Variants in TPM3 observed in about 807,000 individuals in gnomAD.
TPM3 encodes the protein tropomyosin alpha-3 chain.
A neutral mutation model predicts 43.1 loss-of-function variants in TPM3; 16 were observed. The observed-to-expected ratio is 0.37, with a 90% confidence interval of 0.25 to 0.56. TPM3 has a LOEUF of 0.56. Ranked by LOEUF, TPM3 falls within the 20% of genes least tolerant of loss-of-function variation. The pLI is 0.77. For synonymous variants in TPM3, 101 were observed against 116.9 expected (o/e 0.86, Z 0.88); for missense variants, 176 against 337.2 (o/e 0.52, Z 3.74).
At position 154,172,736 on chromosome 1, in the gene TPM3, A is replaced by G. The variant is rs895952578; in HGVS notation, c.566+172T>C. 4 of 798,636 alleles carry G rather than the reference A, an allele frequency of 5.0e-6. No individual in the cohort carries two copies. In the African/African-American group the frequency reaches 6.8e-5, roughly 14 times the overall value. 49.5% of individuals were successfully genotyped at this position (798,636 alleles called of 1,614,324 possible). On this transcript the variant is annotated intron_variant, in intron 5 of 9. Transcript: ENST00000651641. ...TTTGTCACTTGTCACTAGTCAGGAG[A>G]ATAAGGAAGCCTAAAACCATTCTTG...
chr1:154,170,568 A>G, intron 7 of TPM3, 81 bp downstream of exon 7: 1 of 1,597,230 alleles, frequency 6.3e-7, no homozygotes. Flanking sequence ...CAGAACCCAA[A>G]CCAGCCAGTT....
In TPM3 at chr1:154,173,056, C is replaced by G. The variant is rs28372838; in HGVS notation, c.495+28G>C. ...CATTATGCTTTGTAAAAGGCCGATACGAGAGGGACTAACAGAAGGTCACTT... is the reference window on the plus strand; with the variant it reads ...CATTATGCTTTGTAAAAGGCCGATAGGAGAGGGACTAACAGAAGGTCACTT... On this transcript the variant is annotated intron_variant, in intron 4 of 9. Transcript: ENST00000651641. 209,897 of 1,613,452 alleles carry G rather than the reference C, an allele frequency of 0.13. 15,909 individuals are homozygous for G. Among genetic ancestry groups the G allele is most frequent in the East Asian group, 0.38 (17,025 of 44,864 alleles).
intron 2 of TPM3, among the ~76,000 whole-genome samples, chr1:154,188,038 T>C (rs931835812): frequency 6.6e-6 from 1 of 151,256 alleles, no homozygotes; most frequent in Non-Finnish European, 1.5e-5. Flanking sequence ...TTTTTTTGAG[T>C]TTTCTGAGAA....
At chr1:154,172,561 C>T (rs1661720317) in intron 5 of TPM3, 2 of 457,880 alleles carry the variant, frequency 4.4e-6, no homozygotes, top group Admixed American at 3.0e-5. Context: ...CCCAGCCAGA[C>T]ACTAGATCTT....
In TPM3 at chr1:154,164,530, T is replaced by C. The variant is rs1467796181; in HGVS notation, c.*3407A>G. 6.6e-6 allele frequency among the ~76,000 whole-genome samples: 1 copy of C among 152,174 alleles called. No homozygotes were observed. The highest frequency in any genetic ancestry group is 2.4e-5 in the African/African-American group (1 of 41,440). ...CATCAAGTGGCCAGGCCTTTCACAATGCCTGTCTTTATTTAGTGCTATCTC... is the reference window on the plus strand; with the variant it reads ...CATCAAGTGGCCAGGCCTTTCACAACGCCTGTCTTTATTTAGTGCTATCTC... On this transcript the variant is annotated 3_prime_UTR_variant, in exon 10 of 10. Transcript: ENST00000651641.
At chr1:154,191,098 C>T (rs1663660374) in intron 2 of TPM3, 88 bp downstream of exon 2, 1 of 1,602,820 alleles carries the variant, frequency 6.2e-7, no homozygotes, top group South Asian at 1.1e-5. Context: ...TTCCATGAAC[C>T]CACAAGTGTG....
At chr1:154,172,267 GAATGT>G (rs758344818) in intron 5 of TPM3, 15 of 776,124 alleles carry the variant, frequency 1.9e-5, no homozygotes, top group Non-Finnish European at 3.1e-5. Context: ...TGGCAGACGG[GAATGT>G]AAGAGGGAAG....
chr1:154,191,994 T>A lies in TPM3; in HGVS notation c.25A>T (p.Met9Leu), dbSNP rs769520165. The A allele has an allele frequency of 6.2e-7, 1 of 1,613,890 alleles. No individual in the cohort carries two copies. The highest frequency in any genetic ancestry group is 1.1e-5 in the South Asian group (1 of 91,086). MMEAIKKK[M>L]QMLKLDKENA... is the part of the protein sequence containing the mutation. Reference sequence around the variant, plus strand: ...TCCTTGTCTAACTTCAGCATCTGCATCTTTTTCTTGATGGCCTCCATCATG... The same window carrying A: ...TCCTTGTCTAACTTCAGCATCTGCAACTTTTTCTTGATGGCCTCCATCATG... Residue 9 changes from methionine (M) to leucine (L), a missense_variant, in exon 1 of 10, where the codon ATG becomes TTG. By Grantham distance (15) the Met-to-Leu change is conservative (BLOSUM62 2). This residue lies in a region of TPM3 where 82 missense variants were observed against 148.8 expected (regional missense o/e 0.55). Coordinates refer to ENST00000651641, the MANE Select transcript of TPM3 (RefSeq NM_152263.4).
chr1:154,187,587 A>G, intron 2 of TPM3: 4 of 779,756 alleles, frequency 5.1e-6, no homozygotes, highest in Non-Finnish European at 6.2e-6. Context: ...GAGGGGTGCT[A>G]TGTGTGTGTA....
intron 5 of TPM3, 146 bp downstream of exon 5, chr1:154,172,762 G>T (rs1013871183): frequency 6.2e-6 from 6 of 969,660 alleles, no homozygotes; most frequent in Non-Finnish European, 1.0e-5. Context: ...ACCATTCTTG[G>T]GCCTAAAAAA....
chr1:154,181,205 G>T (rs1358831763), intron 2 of TPM3, among the ~76,000 whole-genome samples: 1 of 152,100 alleles, frequency 6.6e-6, no homozygotes, highest in Non-Finnish European at 1.5e-5. Context: ...AGGTGTCTGA[G>T]GAAGACAACA....
At chr1:154,183,282 G>T (rs915441406) in intron 2 of TPM3, 10 of 1,509,932 alleles carry the variant, frequency 6.6e-6, no homozygotes, top group Non-Finnish European at 8.8e-6. Flanking sequence ...CCGCCAGGCA[G>T]GCGGGAAGGC....
Position 154,179,216 on chromosome 1 carries a change from T to C in TPM3, c.244-2968A>G, listed in dbSNP as rs962943162. On this transcript the variant is annotated intron_variant, in intron 2 of 9. Transcript: ENST00000651641. ...ATTACCCAGGGAGATACCGTGTCCT[T>C]GGGGAATTTAAACTTCACCAAAGGG... is the stretch of plus-strand genomic sequence containing the variant. 3.3e-5 allele frequency among the ~76,000 whole-genome samples: 5 copies of C among 152,332 alleles called. No individual in the cohort carries two copies. In the South Asian group the frequency reaches 6.2e-4, roughly 19 times the overall value.
At position 154,170,385 on chromosome 1, in the gene TPM3, C is replaced by T. The variant is rs368686544; in HGVS notation, c.775+15G>A. ...CTATATTTCTCTATTTCAATCCCTA[C>T]TCCAGGTTCCATACCTTCCAGGTCA... On this transcript the variant is annotated intron_variant, in intron 8 of 9. Coordinates refer to ENST00000651641, the MANE Select transcript of TPM3 (RefSeq NM_152263.4). 1 of 1,613,918 alleles carries T rather than the reference C, an allele frequency of 6.2e-7. No individual in the cohort carries two copies. Among genetic ancestry groups the T allele is most frequent in the Non-Finnish European group, 8.5e-7 (1 of 1,179,826 alleles).
intron 2 of TPM3, chr1:154,187,332 C>G (rs1047239887): frequency 7.1e-6 from 7 of 984,714 alleles, no homozygotes; most frequent in Middle Eastern, 5.2e-4. Context: ...TTTGCTGACT[C>G]TAGCTTTGAG....
chr1:154,172,746 C>A, intron 5 of TPM3, 162 bp downstream of exon 5: 1 of 868,120 alleles, frequency 1.2e-6, no homozygotes, highest in South Asian at 1.4e-5. Flanking sequence ...AATAAGGAAG[C>A]CTAAAACCAT....
chr1:154,161,665 A>C (rs1482650177), downstream of TPM3, among the ~76,000 whole-genome samples: 2 of 150,138 alleles, frequency 1.3e-5, no homozygotes, highest in South Asian at 2.1e-4. Flanking sequence ...CTGGTCTTGA[A>C]CTCCTGACCT....
At chr1:154,183,529 C>G in intron 2 of TPM3, 1 of 372,674 alleles carries the variant, frequency 2.7e-6, no homozygotes. Flanking sequence ...ACCCCTCACT[C>G]CCGCAATGCC....
At position 154,166,377 on chromosome 1, in the gene TPM3, G is replaced by T; in HGVS notation, c.*1560C>A. 3.2e-6 allele frequency: 1 copy of T among 309,550 alleles called. No homozygotes were observed. The allele number at this position is 309,550 out of a possible 1,614,324, so 19.2% of individuals were successfully genotyped here. ...ACCTGGGCCAGTTCACCCCTTCTTAGGCAACCTTGTTGTTCTCCACTCCCA... is the reference window on the plus strand; with the variant it reads ...ACCTGGGCCAGTTCACCCCTTCTTATGCAACCTTGTTGTTCTCCACTCCCA... On this transcript the variant is annotated 3_prime_UTR_variant, in exon 10 of 10. Transcript: ENST00000651641.
Sources: allele counts gnomAD v4.1 joint callset (sites outside exome capture counted in the v4.1 genomes callset), GRCh38; gene constraint gnomAD v4.1.1; regional missense constraint gnomAD v4.1.1; transcripts MANE v1.5; gene names NCBI Gene and HGNC (gene_info 2026-07-23, HGNC 2026-07-21).